The following PIAS2 variants were observed in gnomAD, a reference collection of about 807,000 sequenced individuals.
PIAS2 encodes protein inhibitor of activated STAT 2.
PIAS2 carries 19 observed loss-of-function variants against 69.7 expected under a neutral mutation model. That is an observed-to-expected ratio of 0.27 (90% CI 0.19 to 0.40). The LOEUF is 0.40. Ranked by LOEUF, PIAS2 falls within the 10% of genes least tolerant of loss-of-function variation. The pLI is 1.00. For synonymous variants in PIAS2, 261 were observed against 263.2 expected, an observed-to-expected ratio of 0.99 and a Z score of 0.08; for missense variants, 624 against 757.0, an observed-to-expected ratio of 0.82 and a Z score of 2.06.
intron 1 of PIAS2, among the ~76,000 whole-genome samples, chr18:46,908,301 A>G (rs1439625660): frequency 6.6e-6 from 1 of 152,190 alleles, no homozygotes; most frequent in Admixed American, 6.5e-5. Context: ...TAGCAGCAGC[A>G]TCATCTTGTT....
At chr18:46,849,571 A>T (rs1320582007) in intron 5 of PIAS2, among the ~76,000 whole-genome samples, 1 of 151,540 alleles carries the variant, frequency 6.6e-6, no homozygotes, top group East Asian at 1.9e-4. Flanking sequence ...TGACACACTC[A>T]AAGAATTTTT....
rs2043055952 is a variant in PIAS2, at chr18:46,828,006, T to C, written c.1461A>G (p.Lys487=). The change falls in exon 11 of 14, where the codon AAA becomes AAG. Residue 487 remains lysine, a synonymous_variant. Transcript: ENST00000585916. ...SSDEEEDPPA[K]RKCIFMSETQ... ...TTTCTGACATAAAGATGCATTTCCT[T>C]TTGGCAGGAGGGTCTTCCTCTTCGT... is the stretch of plus-strand genomic sequence containing the variant. 6.2e-7 allele frequency: 1 copy of C among 1,613,944 alleles called. No homozygotes were observed.
At chr18:46,857,746 A>AT (rs1341688672) in intron 3 of PIAS2, among the ~76,000 whole-genome samples, 1 of 152,254 alleles carries the variant, frequency 6.6e-6, no homozygotes, top group Admixed American at 6.5e-5. Context: ...AATGTGCTAA[A>AT]TATCTTCACA....
At chr18:46,919,005 ATATGTGTGTG>A (rs984135101), upstream of PIAS2, among the ~76,000 whole-genome samples, 13 of 147,180 alleles carry the variant, frequency 8.8e-5, no homozygotes, top group African/African-American at 1.6e-4. Flanking sequence ...GTATATATAT[ATATGTGTGTG>A]TGTGTGTGTG....
chr18:46,869,858 T>C (rs779950237), intron 2 of PIAS2, among the ~76,000 whole-genome samples: 10 of 152,032 alleles, frequency 6.6e-5, no homozygotes, highest in African/African-American at 1.2e-4. Context: ...CAGGAGGAAA[T>C]AGATTATGCC....
At chr18:46,896,719 C>G (rs1201972333) in intron 1 of PIAS2, among the ~76,000 whole-genome samples, 3 of 152,210 alleles carry the variant, frequency 2.0e-5, no homozygotes, top group Non-Finnish European at 4.4e-5. Context: ...CATTTATCAA[C>G]ATGGACCATA....
chr18:46,838,759 T>C (rs1193782330), intron 8 of PIAS2, among the ~76,000 whole-genome samples: 2 of 152,200 alleles, frequency 1.3e-5, no homozygotes, highest in African/African-American at 4.8e-5. Flanking sequence ...ATTTCTGAAA[T>C]GAAGATGCTG....
In PIAS2 at chr18:46,820,960, T is replaced by C. The variant is rs144305160; in HGVS notation, c.1621A>G (p.Ile541Val). Reference sequence around the variant, plus strand: ...GGCAAATCTGATGACATGCTTGATATTGGCGTATGGTGGAATGGTACTGAG... The same window carrying C: ...GGCAAATCTGATGACATGCTTGATACTGGCGTATGGTGGAATGGTACTGAG... ...DYSVPFHHTP[I>V]SSMSSDLPGL... Residue 541 changes from isoleucine to valine, a missense_variant, in exon 12 of 14, where the codon ATA (isoleucine) becomes GTA (valine). Around this residue, in one of 3 missense-constraint regions of PIAS2, gnomAD observed 241 missense variants for 257.3 expected, o/e 0.94. Coordinates refer to ENST00000585916, the MANE Select transcript of PIAS2 (RefSeq NM_004671.5). The C allele has an allele frequency of 3.7e-5, 59 of 1,612,406 alleles. No individual in the cohort carries two copies. Among genetic ancestry groups the C allele is most frequent in the Non-Finnish European group, 4.7e-5 (56 of 1,179,164 alleles).
At chr18:46,838,117 T>C (rs2044729337) in intron 8 of PIAS2, among the ~76,000 whole-genome samples, 1 of 152,246 alleles carries the variant, frequency 6.6e-6, no homozygotes, top group Non-Finnish European at 1.5e-5. Context: ...CTTTTTCTTT[T>C]GGTTCATCTG....
chr18:46,883,609 C>G (rs1598796182), intron 2 of PIAS2, among the ~76,000 whole-genome samples: 1 of 152,200 alleles, frequency 6.6e-6, no homozygotes, highest in South Asian at 2.1e-4. Context: ...GAAGCTGAGG[C>G]AGGCAGCTCT....
intron 2 of PIAS2, among the ~76,000 whole-genome samples, chr18:46,878,923 C>T (rs1351780976): frequency 5.3e-5 from 8 of 152,192 alleles, no homozygotes; most frequent in Non-Finnish European, 1.0e-4. Context: ...CCAAGGTTAA[C>T]AGGGGCTCAT....
chr18:46,875,201 T>A (rs1320691715), intron 2 of PIAS2, among the ~76,000 whole-genome samples: 1 of 152,152 alleles, frequency 6.6e-6, no homozygotes, highest in Non-Finnish European at 1.5e-5. Context: ...TAGATAAGTA[T>A]CTATGTCCGT....
chr18:46,884,450 C>G (rs1037106514), intron 2 of PIAS2, among the ~76,000 whole-genome samples: 43 of 151,818 alleles, frequency 2.8e-4, no homozygotes, highest in African/African-American at 1.0e-3. Context: ...GTAGCTGGGA[C>G]TACAGGTGCC....
intron 11 of PIAS2, chr18:46,826,989 GAAGA>G (rs2042929024): frequency 6.6e-6 from 1 of 152,158 alleles, no homozygotes; most frequent in South Asian, 2.1e-4. Context: ...AAAAGAACAT[GAAGA>G]AAGTTTTTTG....
At chr18:46,866,968 A>C (rs2049577297) in intron 2 of PIAS2, among the ~76,000 whole-genome samples, 1 of 152,212 alleles carries the variant, frequency 6.6e-6, no homozygotes, top group South Asian at 2.1e-4. Context: ...ACCTACCCTG[A>C]AAAGTTTCCA....
At chr18:46,865,455 G>A (rs746669351) in intron 2 of PIAS2, among the ~76,000 whole-genome samples, 9 of 150,372 alleles carry the variant, frequency 6.0e-5, no homozygotes, top group African/African-American at 1.2e-4. Context: ...CAGAAGAATC[G>A]CTTGAACCTG....
chr18:46,820,560 A>C (rs1448536013), intron 12 of PIAS2, among the ~76,000 whole-genome samples: 1 of 152,148 alleles, frequency 6.6e-6, no homozygotes, highest in African/African-American at 2.4e-5. Context: ...AGCCCCAAAC[A>C]ACATCAATAT....
rs1418836526 is a variant in PIAS2 at position 46,811,769 on chromosome 18, A to G, written c.*664T>C. The G allele has an allele frequency of 6.6e-6, 1 of 152,290 alleles. No individual in the cohort carries two copies. Among genetic ancestry groups the G allele is most frequent in the African/African-American group, 2.4e-5 (1 of 41,480 alleles). The allele number at this position is 152,290 out of a possible 1,614,324, so 9.4% of individuals were successfully genotyped here. On this transcript the variant is annotated 3_prime_UTR_variant, in exon 14 of 14. Coordinates refer to ENST00000585916, the MANE Select transcript of PIAS2 (RefSeq NM_004671.5). ...GTAGCCAAATCCCAGAACTTCACAC[A>G]GCACTCATTAGCAAACAACGTCAAA...
chr18:46,885,670 C>T (rs955120696), intron 2 of PIAS2, among the ~76,000 whole-genome samples: 9 of 151,154 alleles, frequency 6.0e-5, no homozygotes, highest in Middle Eastern at 3.4e-3. Context: ...GGTGACAGAG[C>T]GAGACTCCGT....
Sources: allele counts gnomAD v4.1 joint callset (sites outside exome capture counted in the v4.1 genomes callset), GRCh38; gene constraint gnomAD v4.1.1; regional missense constraint gnomAD v4.1.1; transcripts MANE v1.5; gene names NCBI Gene and HGNC (gene_info 2026-07-23, HGNC 2026-07-21).